Variants in FARP1 observed in about 807,000 individuals in gnomAD.
FARP1 encodes the protein FERM, ARH/RhoGEF and pleckstrin domain protein 1, also known as FERM, ARHGEF and pleckstrin domain-containing protein 1.
In FARP1, 52 loss-of-function variants were observed where a neutral mutation model predicts 128.8. That is an observed-to-expected ratio of 0.40 (90% CI 0.32 to 0.51). FARP1 has a LOEUF of 0.51. FARP1 is among the 20% of genes least tolerant of loss of function. FARP1 has a pLI of 0.45. For synonymous variants in FARP1, 580 were observed against 551.8 expected, an observed-to-expected ratio of 1.05 and a Z score of -0.72; for missense variants, 1,333 against 1,367.9, an observed-to-expected ratio of 0.97 and a Z score of 0.40.
intron 16 of FARP1, among the ~76,000 whole-genome samples, chr13:98,416,726 C>G (rs955372693): frequency 4.6e-5 from 7 of 152,186 alleles, no homozygotes; most frequent in African/African-American, 1.7e-4. Flanking sequence ...AGGTGACTGG[C>G]AGAGGCTGAG....
chr13:98,365,458 T>G (rs1272447413), intron 4 of FARP1, 21 bp downstream of exon 4: 1 of 1,553,678 alleles, frequency 6.4e-7, no homozygotes, highest in East Asian at 2.2e-5. Context: ...ACCATATGTT[T>G]AATAGTGATG....
chr13:98,315,149 A>C (rs1040146550), intron 2 of FARP1, among the ~76,000 whole-genome samples: 2 of 152,164 alleles, frequency 1.3e-5, no homozygotes, highest in African/African-American at 4.8e-5. Flanking sequence ...TTTGTTTTTT[A>C]AAACAGGGTC....
intron 10 of FARP1, 197 bp from the exon 11 acceptor site, chr13:98,390,615 A>C: frequency 1.8e-6 from 1 of 541,588 alleles, no homozygotes; most frequent in Non-Finnish European, 3.3e-6. Context: ...CTGTATATTC[A>C]AGGAAAATAT....
At chr13:98,194,610 T>G (rs1053937101) in intron 1 of FARP1, among the ~76,000 whole-genome samples, 1 of 152,208 alleles carries the variant, frequency 6.6e-6, no homozygotes, top group African/African-American at 2.4e-5. Flanking sequence ...AAAATAACAA[T>G]TTATTACTTA....
At chr13:98,229,380 T>C (rs1439893226) in intron 2 of FARP1, among the ~76,000 whole-genome samples, 1 of 152,244 alleles carries the variant, frequency 6.6e-6, no homozygotes, top group Non-Finnish European at 1.5e-5. Flanking sequence ...ATTTCCCCAT[T>C]ATGAAACCTT....
rs559363874 is a variant in FARP1, at chr13:98,453,101, G to A, written c.*4784G>A. The A allele has an allele frequency of 1.6e-4, 256 of 1,581,074 alleles. 1 individual carries two copies. The highest frequency in any genetic ancestry group is 1.4e-3 in the South Asian group (125 of 89,902). ...TTCGGTGGAGTCAGCGAAGGCTCTC[G>A]TTGACTTTTAAAAAAGGAGGAGGAT... On this transcript the variant is annotated 3_prime_UTR_variant, in exon 27 of 27. Coordinates refer to ENST00000319562, the MANE Select transcript of FARP1 (RefSeq NM_005766.4).
At chr13:98,307,421 C>G (rs909063203) in intron 2 of FARP1, among the ~76,000 whole-genome samples, 8 of 152,160 alleles carry the variant, frequency 5.3e-5, no homozygotes, top group Non-Finnish European at 1.0e-4. Context: ...CCCCCACCAC[C>G]CCAGCCTTCC....
intron 1 of FARP1, among the ~76,000 whole-genome samples, chr13:98,147,551 A>G (rs1875664510): frequency 6.6e-6 from 1 of 152,138 alleles, no homozygotes; most frequent in Admixed American, 6.6e-5. Flanking sequence ...AATGCTTTGC[A>G]TAAATTTATT....
intron 1 of FARP1, among the ~76,000 whole-genome samples, chr13:98,202,762 C>T (rs1399718598): frequency 5.9e-5 from 9 of 151,716 alleles, no homozygotes; most frequent in South Asian, 4.2e-4. Flanking sequence ...CTTTGTTGCC[C>T]GGATTGGAGT....
intron 5 of FARP1, among the ~76,000 whole-genome samples, chr13:98,369,782 T>G (rs535982736): frequency 6.6e-6 from 1 of 152,278 alleles, no homozygotes; most frequent in African/African-American, 2.4e-5. Context: ...ACATTTGGGT[T>G]TAACCAGCCT....
At chr13:98,203,054 G>A (rs1321793594) in intron 1 of FARP1, among the ~76,000 whole-genome samples, 1 of 152,040 alleles carries the variant, frequency 6.6e-6, no homozygotes. Context: ...TAGGTATATG[G>A]TACAAAATTA....
intron 3 of FARP1, among the ~76,000 whole-genome samples, chr13:98,347,460 A>G (rs1888229046): frequency 6.6e-6 from 1 of 152,122 alleles, no homozygotes; most frequent in Admixed American, 6.5e-5. Context: ...GAGTCTATCT[A>G]CTTTAGACAC....
At chr13:98,381,232 G>A (rs1889876913) in intron 6 of FARP1, among the ~76,000 whole-genome samples, 1 of 152,208 alleles carries the variant, frequency 6.6e-6, no homozygotes, top group African/African-American at 2.4e-5. Flanking sequence ...ATGAAAGGAG[G>A]CATTTCATAG....
chr13:98,331,015 A>C (rs1214605251), intron 2 of FARP1, among the ~76,000 whole-genome samples: 1 of 152,204 alleles, frequency 6.6e-6, no homozygotes, highest in Non-Finnish European at 1.5e-5. Context: ...TCTTTAATTA[A>C]ATCCTGGCCA....
At chr13:98,398,868 G>GTGA (rs752911471) in intron 13 of FARP1, 1 of 152,078 alleles carries the variant, frequency 6.6e-6, no homozygotes, top group Non-Finnish European at 1.5e-5. Context: ...TTGAGCACTA[G>GTGA]GTATGAACTT....
At position 98,440,048 on chromosome 13, in the gene FARP1, C is replaced by T. The variant is rs754798131; in HGVS notation, c.2516+5C>T. ...GTCCATCATCGTGGCCGCCAGGTAA[C>T]TCGGGAGCCCGCCCCTTGCCTGTTT... On this transcript the variant is annotated splice_donor_5th_base_variant and intron_variant, in intron 22 of 26. Transcript: ENST00000319562. 6.2e-7 allele frequency: 1 copy of T among 1,608,208 alleles called. No individual in the cohort carries two copies. Among genetic ancestry groups the T allele is most frequent in the South Asian group, 1.1e-5 (1 of 90,798 alleles).
chr13:98,171,630 A>G (rs1877658455), intron 1 of FARP1, among the ~76,000 whole-genome samples: 1 of 152,230 alleles, frequency 6.6e-6, no homozygotes, highest in South Asian at 2.1e-4. Context: ...TTATTTTACC[A>G]AGGTATAACA....
chr13:98,179,975 C>T (rs1878393445), intron 1 of FARP1, among the ~76,000 whole-genome samples: 1 of 152,116 alleles, frequency 6.6e-6, no homozygotes, highest in Non-Finnish European at 1.5e-5. Flanking sequence ...CTCCTAGATT[C>T]AGCCTCCACA....
chr13:98,143,298 C>G lies in FARP1; in HGVS notation c.-218C>G, dbSNP rs1422617092. 1 of 149,670 alleles carries G rather than the reference C, an allele frequency of 6.7e-6. No homozygotes were observed. The highest frequency in any genetic ancestry group is 1.5e-5 in the Non-Finnish European group (1 of 66,898). 9.3% of individuals were successfully genotyped at this position (149,670 alleles called of 1,614,324 possible). A position where few individuals can be genotyped will look rare whatever the true frequency, so the allele number is the denominator to read the frequency against. ...CCCACCCCGCCTGCTCCGCCCTCCC[C>G]TCCGCCCCGCGCCACCTTTGATGGC... On this transcript the variant is annotated 5_prime_UTR_variant, in exon 1 of 27. Coordinates refer to ENST00000319562, the MANE Select transcript of FARP1 (RefSeq NM_005766.4).
Sources: allele counts gnomAD v4.1 joint callset (sites outside exome capture counted in the v4.1 genomes callset), GRCh38; gene constraint gnomAD v4.1.1; transcripts MANE v1.5; gene names NCBI Gene and HGNC (gene_info 2026-07-23, HGNC 2026-07-21).